Variants in CPQ observed in about 807,000 individuals in gnomAD.
The protein encoded by CPQ is Ser-Met dipeptidase.
A neutral mutation model predicts 45.7 loss-of-function variants in CPQ; 37 were observed. That is an observed-to-expected ratio of 0.81 (90% CI 0.62 to 1.07). The LOEUF is 1.07. CPQ is among the 50% of genes least tolerant of loss of function. CPQ has a pLI of 0.00. For missense variants in CPQ, 537 were observed against 572.9 expected, an observed-to-expected ratio of 0.94 and a Z score of 0.64; for synonymous variants, 186 against 205.8, an observed-to-expected ratio of 0.90 and a Z score of 0.82.
intron 5 of CPQ, among the ~76,000 whole-genome samples, chr8:97,007,017 CAT>C (rs1408405796): frequency 6.6e-6 from 1 of 152,166 alleles, no homozygotes; most frequent in Admixed American, 6.5e-5. Context: ...TATGAAGAAA[CAT>C]AAAAGAAAAC....
At chr8:97,140,395 C>T (rs1393859486) in intron 7 of CPQ, among the ~76,000 whole-genome samples, 1 of 151,874 alleles carries the variant, frequency 6.6e-6, no homozygotes, top group Admixed American at 6.6e-5. Context: ...CCATGTTATG[C>T]ATCAGATACA....
intron 6 of CPQ, among the ~76,000 whole-genome samples, chr8:97,042,657 A>G (rs1432989982): frequency 9.3e-5 from 14 of 150,424 alleles, no homozygotes; most frequent in Non-Finnish European, 2.1e-4. Flanking sequence ...ACTGCTTTGG[A>G]TGTGTCCCAG....
intron 6 of CPQ, among the ~76,000 whole-genome samples, chr8:97,038,825 C>CAAAAAAAAAA (rs35739621): frequency 1.3e-4 from 12 of 91,862 alleles, no homozygotes; most frequent in Non-Finnish European, 1.7e-4. Flanking sequence ...ACCGTATTTA[C>CAAAAAAAAAA]AAAAAAAAAA....
intron 4 of CPQ, among the ~76,000 whole-genome samples, chr8:96,927,979 A>G (rs1350574445): frequency 1.3e-5 from 2 of 152,206 alleles, no homozygotes; most frequent in Non-Finnish European, 2.9e-5. Context: ...GTGATGCCAC[A>G]ATGCAGTTGT....
intron 1 of CPQ, among the ~76,000 whole-genome samples, chr8:96,702,892 G>C (rs909527938): frequency 2.0e-5 from 3 of 152,084 alleles, no homozygotes; most frequent in African/African-American, 7.2e-5. Flanking sequence ...CCCAAGTGTA[G>C]TGCTGAAGTG....
chr8:97,110,914 G>T (rs1490618248), intron 7 of CPQ, among the ~76,000 whole-genome samples: 1 of 152,198 alleles, frequency 6.6e-6, no homozygotes, highest in African/African-American at 2.4e-5. Flanking sequence ...CAGTATTGCA[G>T]CTTGAATGTG....
chr8:96,814,269 T>C (rs1430022348), intron 2 of CPQ, among the ~76,000 whole-genome samples: 5 of 152,166 alleles, frequency 3.3e-5, no homozygotes, highest in Non-Finnish European at 7.4e-5. Flanking sequence ...TCACAGGAAC[T>C]CTTTATCACT....
intron 2 of CPQ, among the ~76,000 whole-genome samples, chr8:96,795,532 A>G (rs1810916767): frequency 6.6e-6 from 1 of 152,164 alleles, no homozygotes; most frequent in African/African-American, 2.4e-5. Context: ...TTCTATATGC[A>G]TATGTATTTT....
intron 7 of CPQ, among the ~76,000 whole-genome samples, chr8:97,130,350 A>G (rs972878622): frequency 3.3e-5 from 5 of 151,754 alleles, no homozygotes; most frequent in Non-Finnish European, 7.4e-5. Flanking sequence ...GAGTTTGAGT[A>G]TAAATGATGA....
chr8:96,659,407 T>C (rs999531241), intron 1 of CPQ: 1 of 152,258 alleles, frequency 6.6e-6, no homozygotes, highest in Non-Finnish European at 1.5e-5. Flanking sequence ...ACTTCAGTTC[T>C]GTGGGGCATC....
rs769693736 is a variant in CPQ, at chr8:96,785,097, T to C, written c.200T>C (p.Leu67Ser). The C allele has an allele frequency of 6.2e-7, 1 of 1,613,828 alleles. No individual in the cohort carries two copies. Among genetic ancestry groups the C allele is most frequent in the Non-Finnish European group, 8.5e-7 (1 of 1,179,856 alleles). ...GCCCAGAACAGATCCTATGAGCGATTGGCACTTCTGGTTGATACTGTTGGA... is the reference window on the plus strand; with the variant it reads ...GCCCAGAACAGATCCTATGAGCGATCGGCACTTCTGGTTGATACTGTTGGA... ...GKAQNRSYER[L>S]ALLVDTVGPR... Residue 67 changes from leucine (L) to serine (S), a missense_variant, in exon 2 of 8, where the codon TTG (leucine) becomes TCG (serine). Coordinates refer to ENST00000220763, the MANE Select transcript of CPQ (RefSeq NM_016134.4).
At chr8:96,880,518 C>CATAT (rs200512558) in intron 4 of CPQ, among the ~76,000 whole-genome samples, 10 of 97,318 alleles carry the variant, frequency 1.0e-4, no homozygotes, top group Admixed American at 2.2e-4. Flanking sequence ...AATATATGGT[C>CATAT]ATATATATAT....
At chr8:96,961,023 A>G (rs1012578514) in intron 4 of CPQ, among the ~76,000 whole-genome samples, 1 of 152,148 alleles carries the variant, frequency 6.6e-6, no homozygotes, top group Non-Finnish European at 1.5e-5. Flanking sequence ...GTTTTGGTCC[A>G]TGTCTCCTGG....
chr8:97,113,258 G>A (rs768286328), intron 7 of CPQ, among the ~76,000 whole-genome samples: 2 of 152,082 alleles, frequency 1.3e-5, no homozygotes, highest in African/African-American at 2.4e-5. Context: ...CTGTGCTGTC[G>A]CCCAGGCTGG....
chr8:96,777,726 ATAT>A, intron 1 of CPQ, among the ~76,000 whole-genome samples: 1 of 4,668 alleles, frequency 2.1e-4, no homozygotes, highest in Non-Finnish European at 3.8e-4. Context: ...CTTAGAAAAT[ATAT>A]ATATATATAT....
intron 7 of CPQ, among the ~76,000 whole-genome samples, chr8:97,090,585 G>A (rs533776703): frequency 6.6e-6 from 1 of 152,140 alleles, no homozygotes; most frequent in East Asian, 1.9e-4. Flanking sequence ...GGTGTCCTTG[G>A]AAATTTCACA....
intron 1 of CPQ, among the ~76,000 whole-genome samples, chr8:96,709,152 T>C (rs1165221110): frequency 6.6e-6 from 1 of 152,190 alleles, no homozygotes; most frequent in African/African-American, 2.4e-5. Flanking sequence ...TTTGTTTACA[T>C]GAATAAATTG....
chr8:97,102,437 G>T (rs1811329489), intron 7 of CPQ, among the ~76,000 whole-genome samples: 1 of 152,120 alleles, frequency 6.6e-6, no homozygotes, highest in African/African-American at 2.4e-5. Context: ...ATATGTTGCT[G>T]TTTCTCGCTA....
chr8:97,102,919 A>AAGTT (rs2130582575), intron 7 of CPQ, among the ~76,000 whole-genome samples: 1 of 152,270 alleles, frequency 6.6e-6, no homozygotes, highest in South Asian at 2.1e-4. Context: ...CACTGGGCTA[A>AAGTT]AGTTAGGGTG....
Sources: allele counts gnomAD v4.1 joint callset (sites outside exome capture counted in the v4.1 genomes callset), GRCh38; gene constraint gnomAD v4.1.1; transcripts MANE v1.5; gene names NCBI Gene and HGNC (gene_info 2026-07-23, HGNC 2026-07-21).